The following KIAA1958 variants were observed in gnomAD, a reference collection of about 807,000 sequenced individuals.
The protein encoded by KIAA1958 is KIAA1958, also known as uncharacterized protein KIAA1958.
Under a neutral mutation model 47.2 loss-of-function variants are expected in KIAA1958, and 14 were observed. That is an observed-to-expected ratio of 0.30 (90% CI 0.20 to 0.46). The LOEUF (loss-of-function observed/expected upper bound fraction) is 0.46, where lower values mean the gene tolerates loss of function less well. Ranked by LOEUF, KIAA1958 falls within the 20% of genes least tolerant of loss-of-function variation. KIAA1958 has a pLI of 1.00. For missense variants in KIAA1958, 803 were observed against 909.2 expected (o/e 0.88, Z 1.50); for synonymous variants, 354 against 353.3 (o/e 1.00, Z -0.02).
chr9:112,542,334 A>G (rs544624097), intron 1 of KIAA1958, among the ~76,000 whole-genome samples: 52 of 152,222 alleles, frequency 3.4e-4, no homozygotes, highest in Non-Finnish European at 7.3e-4. Flanking sequence ...ATTCATGTTC[A>G]TTAATTTTAA....
At chr9:112,650,060 GAAA>G (rs202144418) in intron 3 of KIAA1958, among the ~76,000 whole-genome samples, 1 of 151,032 alleles carries the variant, frequency 6.6e-6, no homozygotes, top group African/African-American at 2.4e-5. Flanking sequence ...CAGAAAAAAA[GAAA>G]AAAAACTCTC....
At chr9:112,627,115 T>G (rs1344521197) in intron 2 of KIAA1958, among the ~76,000 whole-genome samples, 1 of 152,208 alleles carries the variant, frequency 6.6e-6, no homozygotes, top group Non-Finnish European at 1.5e-5. Context: ...AATATTGTAG[T>G]TGTCAAAGTG....
chr9:112,657,159 G>A (rs1837165490), intron 3 of KIAA1958, among the ~76,000 whole-genome samples: 2 of 151,808 alleles, frequency 1.3e-5, no homozygotes, highest in South Asian at 4.2e-4. Context: ...GCAGTGGCAT[G>A]ATCTCAGCTC....
intron 1 of KIAA1958, among the ~76,000 whole-genome samples, chr9:112,569,766 G>A (rs1453405729): frequency 6.6e-6 from 1 of 151,912 alleles, no homozygotes; most frequent in African/African-American, 2.4e-5. Context: ...GATCACAGGT[G>A]TGCGCCTCCA....
At chr9:112,579,251 A>G (rs922000841) in intron 2 of KIAA1958, among the ~76,000 whole-genome samples, 2 of 151,926 alleles carry the variant, frequency 1.3e-5, no homozygotes, top group Non-Finnish European at 2.9e-5. Context: ...TATGAAGGCA[A>G]TTCTTTCAAC....
chr9:112,660,242 C>G lies in KIAA1958; in HGVS notation c.*173C>G, dbSNP rs1425111028. 6.6e-6 allele frequency: 4 copies of G among 602,902 alleles called. No homozygotes were observed. In the African/African-American group the frequency reaches 7.4e-5, roughly 11 times the overall value. 37.3% of individuals were successfully genotyped at this position (602,902 alleles called of 1,614,324 possible). On this transcript the variant is annotated 3_prime_UTR_variant, in exon 4 of 4. Coordinates refer to ENST00000337530, the MANE Select transcript of KIAA1958 (RefSeq NM_133465.4). The stretch of plus-strand genomic sequence containing the variant: ...TTGGGGTTTGCTTTTTAAAATGAAA[C>G]TAGATGAGTCTAAATCATTCGGATG...
At chr9:112,495,385 G>A (rs1587987703) in intron 1 of KIAA1958, among the ~76,000 whole-genome samples, 1 of 152,188 alleles carries the variant, frequency 6.6e-6, no homozygotes, top group East Asian at 1.9e-4. Flanking sequence ...AGTTTTCCTG[G>A]TTTTATAGTT....
Position 112,659,310 on chromosome 9 carries a change from C to T in KIAA1958, c.1392C>T (p.Thr464=), listed in dbSNP as rs151231750. ...AGCTGCTCGAGAACTTTTATGTCAC[C>T]GTCAAGAAGAGCGACGGCTCGGACT... is the stretch of plus-strand genomic sequence containing the variant. The part of the protein sequence containing the change: ...LNELLENFYV[T]VKKSDGSDFL... The change falls in exon 4 of 4, where the codon ACC becomes ACT. Residue 464 remains threonine (T), a synonymous_variant. Coordinates refer to ENST00000337530, the MANE Select transcript of KIAA1958 (RefSeq NM_133465.4). The T allele has an allele frequency of 2.0e-3, 3,187 of 1,613,936 alleles. 7 individuals carry two copies. Among genetic ancestry groups the T allele is most frequent in the Admixed American group, 4.3e-3 (255 of 60,000 alleles).
At chr9:112,544,134 A>C (rs1186413679) in intron 1 of KIAA1958, among the ~76,000 whole-genome samples, 2 of 152,152 alleles carry the variant, frequency 1.3e-5, no homozygotes, top group African/African-American at 4.8e-5. Flanking sequence ...GCTTCACAGA[A>C]TACTAGATTC....
intron 2 of KIAA1958, among the ~76,000 whole-genome samples, chr9:112,579,045 T>C (rs1835695195): frequency 6.6e-6 from 1 of 151,906 alleles, no homozygotes; most frequent in South Asian, 2.1e-4. Context: ...AAAAAATTTA[T>C]TTATCTTTTT....
intron 1 of KIAA1958, among the ~76,000 whole-genome samples, chr9:112,500,455 A>AT (rs201069638): frequency 0.012 from 1,648 of 139,428 alleles, 49 homozygotes; most frequent in East Asian, 0.086. Flanking sequence ...AATATCATTA[A>AT]TTTTTTTTTT....
At chr9:112,639,554 C>T (rs1836861123) in intron 2 of KIAA1958, among the ~76,000 whole-genome samples, 1 of 152,176 alleles carries the variant, frequency 6.6e-6, no homozygotes, top group South Asian at 2.1e-4. Flanking sequence ...AGGGCCTCTC[C>T]CCATGCCTCC....
intron 2 of KIAA1958, chr9:112,581,985 C>A: frequency 1.2e-5 from 3 of 253,540 alleles, no homozygotes; most frequent in South Asian, 1.1e-4. Context: ...AGCCACATAC[C>A]CATGAATGCA....
Position 112,575,115 on chromosome 9 carries a change from T to C in KIAA1958, c.1035T>C (p.His345=). ...TTGCCTCTGAAGAGTTCCTGTCCCA[T>C]CTGCCCAGCCAGGTCTCCTCCTGTG... ...EQVASEEFLS[H]LPSQVSSCEV... is the part of the protein sequence containing the mutation. Residue 345 remains histidine (H), a synonymous_variant, in exon 2 of 4, where the codon CAT becomes CAC. Transcript: ENST00000337530. 1 of 1,608,308 alleles carries C rather than the reference T, an allele frequency of 6.2e-7. No homozygotes were observed. The highest frequency in any genetic ancestry group is 1.1e-5 in the South Asian group (1 of 91,072).
chr9:112,528,676 C>A (rs1284179351), intron 1 of KIAA1958, among the ~76,000 whole-genome samples: 1 of 152,124 alleles, frequency 6.6e-6, no homozygotes, highest in Non-Finnish European at 1.5e-5. Flanking sequence ...CCCGTCACCA[C>A]GACTGGCTAA....
At position 112,664,788 on chromosome 9, in the gene KIAA1958, AGAG is replaced by A. The variant is rs1291417637; in HGVS notation, c.*4724_*4726del. Reference sequence around the variant, plus strand: ...ACCGCTGCCCTCCCTTTCTAAGAGAAGAGGAGGCCATGGGGTATGATAACTAAA... The same window carrying A: ...ACCGCTGCCCTCCCTTTCTAAGAGAAGAGGCCATGGGGTATGATAACTAAA... On this transcript the variant is annotated 3_prime_UTR_variant, in exon 4 of 4. Transcript: ENST00000337530. 1 of 152,176 alleles carries A rather than the reference AGAG, an allele frequency of 6.6e-6. No individual in the cohort carries two copies. The highest frequency in any genetic ancestry group is 1.5e-5 in the Non-Finnish European group (1 of 68,028). The allele number at this position is 152,176 out of a possible 1,614,324, so 9.4% of individuals were successfully genotyped here. A position where few individuals can be genotyped will look rare whatever the true frequency, so the allele number is the denominator to read the frequency against.
chr9:112,516,745 ATTG>A (rs1255951488), intron 1 of KIAA1958, among the ~76,000 whole-genome samples: 2 of 152,242 alleles, frequency 1.3e-5, no homozygotes. Context: ...TGGTATAAGA[ATTG>A]TTGTTAAAGA....
rs1398066530 is a variant in KIAA1958, at chr9:112,664,553, A to G, written c.*4484A>G. The G allele has an allele frequency of 6.6e-6, 1 of 152,272 alleles. No homozygotes were observed. Among genetic ancestry groups the G allele is most frequent in the Admixed American group, 6.5e-5 (1 of 15,292 alleles). The allele number at this position is 152,272 out of a possible 1,614,324, so 9.4% of individuals were successfully genotyped here. A position where few individuals can be genotyped will look rare whatever the true frequency, so the allele number is the denominator to read the frequency against. On this transcript the variant is annotated 3_prime_UTR_variant, in exon 4 of 4. Coordinates refer to ENST00000337530, the MANE Select transcript of KIAA1958 (RefSeq NM_133465.4). Reference sequence around the variant, plus strand: ...CCATACATAGTTAAAAGCTGGTAACAGCTCTGAACAGAAGTATGTATTAAA... The same window carrying G: ...CCATACATAGTTAAAAGCTGGTAACGGCTCTGAACAGAAGTATGTATTAAA...
chr9:112,499,738 G>C (rs1446079209), intron 1 of KIAA1958, among the ~76,000 whole-genome samples: 1 of 141,030 alleles, frequency 7.1e-6, no homozygotes, highest in Non-Finnish European at 1.5e-5. Flanking sequence ...ATCCAGGCTA[G>C]AGTGCAGTGG....
Sources: gnomAD v4.1 joint callset for allele counts (sites outside exome capture counted in the v4.1 genomes callset) on GRCh38, gnomAD v4.1.1 for gene constraint, MANE v1.5 for transcripts, NCBI Gene and HGNC (gene_info 2026-07-23, HGNC 2026-07-21) for gene names.